The following RANBP2 variants were observed in gnomAD, a reference collection of about 807,000 sequenced individuals.
RANBP2 encodes E3 SUMO-protein ligase RanBP2.
RANBP2 carries 57 observed loss-of-function variants against 303.6 expected under a neutral mutation model. The observed-to-expected ratio is 0.19, with a 90% confidence interval of 0.15 to 0.23. RANBP2 has a LOEUF of 0.23. Ranked by LOEUF, RANBP2 falls within the 10% of genes least tolerant of loss-of-function variation. The pLI, the probability that RANBP2 is intolerant of heterozygous loss-of-function variation, is 1.00. For missense variants in RANBP2, 3,138 were observed against 3,780.8 expected, an observed-to-expected ratio of 0.83 and a Z score of 4.46; for synonymous variants, 1,167 against 1,301.5, an observed-to-expected ratio of 0.90 and a Z score of 2.23.
chr2:108,885,645 G>C, the RANBP2 span, among the ~76,000 whole-genome samples: 9 of 152,180 alleles, frequency 5.9e-5, no homozygotes, highest in Non-Finnish European at 5.9e-5. Flanking sequence ...GTCCACCCGA[G>C]TACAATACAT....
At chr2:109,581,053 C>T in the RANBP2 span, among the ~76,000 whole-genome samples, 1 of 152,240 alleles carries the variant, frequency 6.6e-6, no homozygotes, top group Non-Finnish European at 1.5e-5. Flanking sequence ...AGCAAAATAC[C>T]CATGACTACG....
the RANBP2 span, among the ~76,000 whole-genome samples, chr2:109,508,455 G>A: frequency 6.6e-6 from 1 of 152,118 alleles, no homozygotes; most frequent in Non-Finnish European, 1.5e-5. Context: ...GGAACCCCAT[G>A]GCACTGTGCA....
At chr2:109,053,044 G>C in the RANBP2 span, among the ~76,000 whole-genome samples, 1 of 152,208 alleles carries the variant, frequency 6.6e-6, no homozygotes, top group Admixed American at 6.5e-5. Flanking sequence ...CAAATTTACA[G>C]ACAGCAGAAC....
At chr2:108,956,320 G>C in the RANBP2 span, among the ~76,000 whole-genome samples, 1 of 152,222 alleles carries the variant, frequency 6.6e-6, no homozygotes, top group South Asian at 2.1e-4. Flanking sequence ...TAAAGGGCAT[G>C]AGAGTGTTAT....
chr2:109,309,768 A>T, the RANBP2 span, among the ~76,000 whole-genome samples: 1 of 125,196 alleles, frequency 8.0e-6, no homozygotes, highest in East Asian at 2.2e-4. Context: ...TGGTAAAGGG[A>T]TCAATTCAAC....
At chr2:109,663,790 C>T in the RANBP2 span, among the ~76,000 whole-genome samples, 15 of 152,184 alleles carry the variant, frequency 9.9e-5, no homozygotes, top group Admixed American at 9.8e-4. Flanking sequence ...GGAACAGCCT[C>T]TGTGTTTGAG....
the RANBP2 span, among the ~76,000 whole-genome samples, chr2:109,393,815 T>A: frequency 6.6e-6 from 1 of 151,988 alleles, no homozygotes; most frequent in Non-Finnish European, 1.5e-5. Flanking sequence ...CCCACACCAC[T>A]GCTCTTCTTT....
At chr2:108,840,817 TA>T in the RANBP2 span, among the ~76,000 whole-genome samples, 1 of 151,934 alleles carries the variant, frequency 6.6e-6, no homozygotes, top group South Asian at 2.1e-4. Context: ...TTTTTCTTTT[TA>T]TTTTTTTGAG....
At chr2:109,082,080 G>T in the RANBP2 span, among the ~76,000 whole-genome samples, 1 of 152,192 alleles carries the variant, frequency 6.6e-6, no homozygotes, top group Non-Finnish European at 1.5e-5. Flanking sequence ...ACACTGAAGT[G>T]CTCTACCCAT....
At chr2:109,303,177 A>G in the RANBP2 span, among the ~76,000 whole-genome samples, 26 of 152,248 alleles carry the variant, frequency 1.7e-4, no homozygotes, top group African/African-American at 5.5e-4. Flanking sequence ...CGCCCGGCCG[A>G]TCTCCTTAGT....
chr2:109,545,520 G>A, the RANBP2 span: 7 of 1,535,912 alleles, frequency 4.6e-6, no homozygotes, highest in Middle Eastern at 1.7e-4. Context: ...ATGCACAGGA[G>A]TTCGAATCGA....
the RANBP2 span, among the ~76,000 whole-genome samples, chr2:109,119,002 G>A: frequency 1.3e-5 from 2 of 152,164 alleles, no homozygotes; most frequent in East Asian, 1.9e-4. Context: ...TTGACTCTGC[G>A]ATTCTATAAC....
At chr2:109,139,332 C>G in the RANBP2 span, among the ~76,000 whole-genome samples, 1 of 151,576 alleles carries the variant, frequency 6.6e-6, no homozygotes, top group Non-Finnish European at 1.5e-5. Context: ...TTACTGAGTT[C>G]ATGATGCCCA....
the RANBP2 span, among the ~76,000 whole-genome samples, chr2:109,229,706 T>G: frequency 6.6e-6 from 1 of 152,220 alleles, no homozygotes; most frequent in African/African-American, 2.4e-5. Flanking sequence ...TACATCTAGG[T>G]ACCTCGTATA....
At chr2:109,215,083 C>A in the RANBP2 span, among the ~76,000 whole-genome samples, 1 of 152,274 alleles carries the variant, frequency 6.6e-6, no homozygotes, top group Admixed American at 6.5e-5. Flanking sequence ...AGCGTTAAAC[C>A]TTCAGTGGGA....
the RANBP2 span, among the ~76,000 whole-genome samples, chr2:109,763,902 T>C: frequency 2.0e-5 from 3 of 147,252 alleles, no homozygotes; most frequent in African/African-American, 5.0e-5. Context: ...ACAGAGAGTG[T>C]CCTCAAATGA....
chr2:109,575,187 A>C, the RANBP2 span, among the ~76,000 whole-genome samples: 24 of 152,302 alleles, frequency 1.6e-4, no homozygotes, highest in Non-Finnish European at 2.8e-4. Flanking sequence ...TCCCTTTCTG[A>C]CAAAGCTTCC....
chr2:108,723,776 C>T (rs557743825), intron 1 of RANBP2, among the ~76,000 whole-genome samples: 13 of 152,128 alleles, frequency 8.5e-5, no homozygotes, highest in African/African-American at 2.9e-4. Flanking sequence ...TGAATAATTG[C>T]TTTATTTTTT....
the RANBP2 span, among the ~76,000 whole-genome samples, chr2:109,523,077 GGCA>G: frequency 9.2e-5 from 14 of 152,124 alleles, no homozygotes; most frequent in Non-Finnish European, 1.5e-4. Flanking sequence ...TCCACTGACA[GGCA>G]GCCCTCTGTG....
Sources: allele counts gnomAD v4.1 joint callset (sites outside exome capture counted in the v4.1 genomes callset), GRCh38; gene constraint gnomAD v4.1.1; transcripts MANE v1.5; gene names NCBI Gene and HGNC (gene_info 2026-07-23, HGNC 2026-07-21).